Variants in EPB41L1 observed in about 807,000 individuals in gnomAD.
EPB41L1 encodes erythrocyte membrane protein band 4.1 like 1, also known as band 4.1-like protein 1.
In EPB41L1, 29 loss-of-function variants were observed where a neutral mutation model predicts 97.8. The observed-to-expected ratio is 0.30, with a 90% CI of 0.22 to 0.40. The LOEUF is 0.40. Among genes scored for constraint, EPB41L1 ranks in the 10% least tolerant of loss-of-function variants. EPB41L1 has a pLI of 1.00. For missense variants in EPB41L1, 812 were observed against 1,162.3 expected (o/e 0.70, Z 4.38); for synonymous variants, 383 against 459.2 (o/e 0.83, Z 2.12).
chr20:36,180,721 T>A (rs1203767447), intron 5 of EPB41L1, among the ~76,000 whole-genome samples: 1 of 152,194 alleles, frequency 6.6e-6, no homozygotes, highest in Non-Finnish European at 1.5e-5. Flanking sequence ...GTATTACATG[T>A]AGAATGGTGC....
chr20:36,147,903 A>G (rs1412106850), intron 2 of EPB41L1, among the ~76,000 whole-genome samples: 2 of 152,154 alleles, frequency 1.3e-5, no homozygotes, highest in Non-Finnish European at 2.9e-5. Flanking sequence ...TAGTGGGTAC[A>G]TGGCCAGATT....
intron 2 of EPB41L1, among the ~76,000 whole-genome samples, chr20:36,113,280 C>T (rs1279249412): frequency 6.6e-6 from 1 of 152,160 alleles, no homozygotes; most frequent in Non-Finnish European, 1.5e-5. Context: ...AAGTAACATG[C>T]AAATGTCACT....
intron 7 of EPB41L1, among the ~76,000 whole-genome samples, chr20:36,187,395 G>A (rs1159746960): frequency 6.6e-6 from 1 of 152,190 alleles, no homozygotes; most frequent in East Asian, 1.9e-4. Flanking sequence ...AGTCAACTCA[G>A]TGGCAGAATG....
Position 36,221,862 on chromosome 20 carries a change from A to C in EPB41L1, c.2440-2A>C. 1 of 1,614,118 alleles carries C rather than the reference A, an allele frequency of 6.2e-7. No individual in the cohort carries two copies. The highest frequency in any genetic ancestry group is 8.5e-7 in the Non-Finnish European group (1 of 1,179,982). ...TGACCTCACCTCCCTCTCCCTCTGC[A>C]GACTGTGAAAGGAGGGTTTTCTGAG... On this transcript the variant is annotated splice_acceptor_variant, in intron 19 of 21. Transcript: ENST00000338074. LOFTEE classifies it high-confidence loss of function.
chr20:36,153,606 C>T (rs560022365), upstream of EPB41L1, among the ~76,000 whole-genome samples: 11 of 152,280 alleles, frequency 7.2e-5, no homozygotes, highest in East Asian at 7.7e-4. Flanking sequence ...GATCATGCTG[C>T]GGTTACCCAC....
intron 7 of EPB41L1, among the ~76,000 whole-genome samples, chr20:36,186,768 G>C (rs1266596973): frequency 2.0e-5 from 3 of 152,148 alleles, no homozygotes; most frequent in Admixed American, 2.0e-4. Flanking sequence ...AAATACTAAG[G>C]GCTGTCCCTA....
intron 2 of EPB41L1, among the ~76,000 whole-genome samples, chr20:36,135,175 T>C (rs2059371750): frequency 6.6e-6 from 1 of 152,168 alleles, no homozygotes; most frequent in South Asian, 2.1e-4. Flanking sequence ...CTTTGTATTG[T>C]CTATTATCAC....
intron 14 of EPB41L1, chr20:36,200,848 C>G (rs1282224104): frequency 2.2e-6 from 1 of 455,598 alleles, no homozygotes; most frequent in Admixed American, 2.4e-5. Context: ...TTTCCCTTTC[C>G]TCTGGCTCTG....
chr20:36,227,695 C>T (rs191477554), intron 21 of EPB41L1, among the ~76,000 whole-genome samples: 2 of 152,336 alleles, frequency 1.3e-5, no homozygotes, highest in Middle Eastern at 3.4e-3. Flanking sequence ...TCTTCTGTTC[C>T]TTCTGCAAAT....
At chr20:36,125,251 T>A (rs2058916286) in intron 2 of EPB41L1, among the ~76,000 whole-genome samples, 2 of 152,136 alleles carry the variant, frequency 1.3e-5, no homozygotes, top group Non-Finnish European at 2.9e-5. Flanking sequence ...GTTAGGAGCA[T>A]CCTGTGTTTT....
chr20:36,175,560 A>G lies in EPB41L1; in HGVS notation c.187A>G (p.Met63Val), dbSNP rs368127593. Reference sequence around the variant, plus strand: ...TTGCTTGGTCCTGCAGAGCCTAGACATGGAGGAGAAGGACTACAGTGAGGC... The same window carrying G: ...TTGCTTGGTCCTGCAGAGCCTAGACGTGGAGGAGAAGGACTACAGTGAGGC... Reference protein sequence around the residue: ...DTRPAEQSLDMEEKDYSEADG... With the variant: ...DTRPAEQSLDVEEKDYSEADG... The change falls in exon 3 of 22, where the codon ATG becomes GTG. Residue 63 changes from methionine to valine, a missense_variant. Physicochemically the swap from Met to Val is conservative, Grantham distance 21 (BLOSUM62 1). This residue lies in a region of EPB41L1 where 84 missense variants were observed against 94.3 expected (regional missense o/e 0.89). Transcript: ENST00000338074. 6.2e-7 allele frequency: 1 copy of G among 1,614,196 alleles called. No individual in the cohort carries two copies. Among genetic ancestry groups the G allele is most frequent in the Admixed American group, 1.7e-5 (1 of 60,034 alleles).
intron 8 of EPB41L1, among the ~76,000 whole-genome samples, 170 bp from the exon 9 acceptor site, chr20:36,188,177 C>T (rs1439866429): frequency 6.6e-6 from 1 of 152,192 alleles, no homozygotes; most frequent in Non-Finnish European, 1.5e-5. Context: ...GAGTGAATGA[C>T]TGAATGACTA....
At position 36,207,257 on chromosome 20, in the gene EPB41L1, C is replaced by T. The variant is rs1255862524; in HGVS notation, c.1669-2231C>T. The T allele has an allele frequency of 3.3e-5, 42 of 1,277,054 alleles. No individual in the cohort carries two copies. Among genetic ancestry groups the T allele is most frequent in the Non-Finnish European group, 4.1e-5 (40 of 981,172 alleles). 79.1% of individuals were successfully genotyped at this position (1,277,054 alleles called of 1,614,324 possible). ...AAGGACCAAGTAGGGTTTGTGGTGT[C>T]CCCTGCCACAGGAGGTGAGCGCAGG... On this transcript the variant is annotated intron_variant, in intron 14 of 21. Coordinates refer to ENST00000338074, the MANE Select transcript of EPB41L1 (RefSeq NM_012156.2). The surrounding 1 kb of genome is among the most constrained non-coding windows in gnomAD (Gnocchi z 4.9).
chr20:36,109,226 T>C, intron 1 of EPB41L1, among the ~76,000 whole-genome samples: 1 of 151,958 alleles, frequency 6.6e-6, no homozygotes, highest in East Asian at 1.9e-4. Flanking sequence ...GGATTACAGG[T>C]GTGAGCCACT....
intron 2 of EPB41L1, among the ~76,000 whole-genome samples, chr20:36,134,805 G>T (rs2059353378): frequency 6.6e-6 from 1 of 151,796 alleles, no homozygotes. Context: ...AGTCTGTGAG[G>T]GTGCCTAAGC....
chr20:36,129,952 T>G lies in EPB41L1; in HGVS notation c.-10+17472T>G, dbSNP rs1018553436. ...CAGGTTTGTTTTTTTTTTTTGTTTT[T>G]TTTTTTTGAGACGGAGTCTTGCTCT... On this transcript the variant is annotated intron_variant, in intron 2 of 19. Coordinates refer to the EPB41L1 transcript ENST00000202028. Among the ~76,000 whole-genome samples the G allele has an allele frequency of 1.2e-3, 181 of 150,112 alleles. 2 individuals carry two copies. Among genetic ancestry groups the G allele is most frequent in the Non-Finnish European group, 3.9e-4 (26 of 67,454 alleles).
At chr20:36,185,020 T>C (rs1423281101) in intron 6 of EPB41L1, 97 bp from the exon 7 acceptor site, 1 of 1,226,138 alleles carries the variant, frequency 8.2e-7, no homozygotes, top group East Asian at 2.4e-5. Context: ...ACTTTTCTGC[T>C]GAGCTATGTT....
chr20:36,120,368 G>A (rs1488365131), intron 2 of EPB41L1, among the ~76,000 whole-genome samples: 1 of 152,214 alleles, frequency 6.6e-6, no homozygotes, highest in African/African-American at 2.4e-5. Flanking sequence ...GCACACAGGA[G>A]GAAAAGGGCA....
chr20:36,172,334 C>G (rs1369682291), intron 1 of EPB41L1, among the ~76,000 whole-genome samples: 2 of 152,190 alleles, frequency 1.3e-5, no homozygotes, highest in East Asian at 3.9e-4. Context: ...CTGCCTCGGC[C>G]TCCCAAAATG....
Sources: allele counts gnomAD v4.1 joint callset (sites outside exome capture counted in the v4.1 genomes callset), GRCh38; gene constraint gnomAD v4.1.1; regional missense constraint gnomAD v4.1.1; non-coding constraint Gnocchi (gnomAD v3.1); transcripts MANE v1.5; gene names NCBI Gene and HGNC (gene_info 2026-07-23, HGNC 2026-07-21).